ASIC2: variants seen among roughly 807,000 people sequenced by gnomAD.
The protein encoded by ASIC2 is acid sensing ion channel subunit 2.
ASIC2 carries 25 observed loss-of-function variants against 57.3 expected under a neutral mutation model. The ratio of observed to expected loss-of-function variants is 0.44; its 90% CI spans 0.32 to 0.61. ASIC2 has a LOEUF of 0.61. Among genes scored for constraint, ASIC2 ranks in the 20% least tolerant of loss-of-function variants. ASIC2 has a pLI of 0.06. For missense variants in ASIC2, 641 were observed against 738.1 expected (o/e 0.87, Z 1.52); for synonymous variants, 319 against 307.5 (o/e 1.04, Z -0.39).
At chr17:33,585,324 C>G (rs1369104) in intron 1 of ASIC2, among the ~76,000 whole-genome samples, 95,088 of 152,036 alleles carry the variant, frequency 0.63, 31,500 homozygotes, top group African/African-American at 0.86. Context: ...TGGGAACTTA[C>G]ATGCCTTCCC....
intron 1 of ASIC2, among the ~76,000 whole-genome samples, chr17:33,349,838 C>T (rs1262087283): frequency 3.3e-5 from 5 of 152,116 alleles, no homozygotes; most frequent in African/African-American, 1.2e-4. Flanking sequence ...TTTATTCCCA[C>T]TTGTTTCATT....
chr17:33,904,759 C>A (rs989812641), intron 1 of ASIC2, among the ~76,000 whole-genome samples: 21 of 152,214 alleles, frequency 1.4e-4, no homozygotes, highest in African/African-American at 4.3e-4. Flanking sequence ...GCAAAAGCTA[C>A]ACCACCCTTT....
intron 1 of ASIC2, among the ~76,000 whole-genome samples, chr17:33,874,003 T>G (rs541034130): frequency 6.6e-6 from 1 of 152,254 alleles, no homozygotes; most frequent in Non-Finnish European, 1.5e-5. Context: ...GTCTTTCTCA[T>G]CTCAGAAGAC....
chr17:33,554,793 A>C (rs939355035), intron 1 of ASIC2, among the ~76,000 whole-genome samples: 1 of 152,152 alleles, frequency 6.6e-6, no homozygotes, highest in African/African-American at 2.4e-5. Context: ...AGCTGGGGGA[A>C]GTAAGGCTGA....
intron 1 of ASIC2, among the ~76,000 whole-genome samples, chr17:33,281,859 A>G (rs1904964165): frequency 1.3e-5 from 2 of 152,206 alleles, no homozygotes; most frequent in African/African-American, 2.4e-5. Flanking sequence ...CCCAGCCAAC[A>G]TAATACCTGG....
At chr17:33,275,446 C>G (rs1392441379) in intron 1 of ASIC2, among the ~76,000 whole-genome samples, 1 of 152,178 alleles carries the variant, frequency 6.6e-6, no homozygotes, top group Admixed American at 6.5e-5. Flanking sequence ...AATAAAAACG[C>G]CTACAGGTAT....
intron 1 of ASIC2, among the ~76,000 whole-genome samples, chr17:33,795,588 T>C (rs974610658): frequency 2.6e-5 from 4 of 152,212 alleles, no homozygotes; most frequent in African/African-American, 9.6e-5. Context: ...TTCTGTCCAC[T>C]GAGCCCATAT....
intron 1 of ASIC2, among the ~76,000 whole-genome samples, chr17:33,165,721 T>A (rs1258530343): frequency 6.6e-6 from 1 of 152,096 alleles, no homozygotes; most frequent in Non-Finnish European, 1.5e-5. Context: ...CATAGCTAAT[T>A]TGGTTCCCCT....
At chr17:34,131,483 TTTC>T (rs1414963188) in intron 1 of ASIC2, among the ~76,000 whole-genome samples, 1 of 152,026 alleles carries the variant, frequency 6.6e-6, no homozygotes, top group African/African-American at 2.4e-5. Flanking sequence ...CACATAAAGG[TTTC>T]TGCCCCCAGC....
intron 1 of ASIC2, among the ~76,000 whole-genome samples, chr17:33,307,277 C>CTTA (rs1555595996): frequency 2.2e-3 from 12 of 5,338 alleles, no homozygotes; most frequent in Non-Finnish European, 5.1e-3. Flanking sequence ...CCTCCTCTTC[C>CTTA]TTCTTCTTCT....
chr17:33,108,832 C>T (rs2092245623), intron 2 of ASIC2, among the ~76,000 whole-genome samples: 1 of 152,136 alleles, frequency 6.6e-6, no homozygotes, highest in Non-Finnish European at 1.5e-5. Context: ...CTGCCTGACA[C>T]TCAAGGTCAT....
chr17:33,247,079 T>C (rs1195647764), intron 1 of ASIC2, among the ~76,000 whole-genome samples: 1 of 152,248 alleles, frequency 6.6e-6, no homozygotes, highest in Non-Finnish European at 1.5e-5. Context: ...CTTCTTGCCA[T>C]AGCACCTTCA....
intron 1 of ASIC2, among the ~76,000 whole-genome samples, chr17:33,744,047 G>A (rs1910188286): frequency 6.6e-6 from 1 of 152,182 alleles, no homozygotes; most frequent in African/African-American, 2.4e-5. Flanking sequence ...TCTAAGGAGA[G>A]AGACTGCCAA....
At chr17:33,442,042 C>A (rs1332277372) in intron 1 of ASIC2, among the ~76,000 whole-genome samples, 2 of 152,146 alleles carry the variant, frequency 1.3e-5, no homozygotes, top group South Asian at 2.1e-4. Context: ...TACTTCCCCC[C>A]CAAATTGATT....
At chr17:33,790,924 A>G (rs1003344679) in intron 1 of ASIC2, among the ~76,000 whole-genome samples, 1 of 152,226 alleles carries the variant, frequency 6.6e-6, no homozygotes, top group African/African-American at 2.4e-5. Flanking sequence ...ATGCTATATT[A>G]TCCCTTTCTA....
At chr17:33,128,151 G>A (rs139207698) in intron 1 of ASIC2, among the ~76,000 whole-genome samples, 1 of 152,212 alleles carries the variant, frequency 6.6e-6, no homozygotes, top group African/African-American at 2.4e-5. Context: ...CCTACCCACT[G>A]CTCGGAATGG....
chr17:33,697,713 A>G (rs1336429839), intron 1 of ASIC2, among the ~76,000 whole-genome samples: 1 of 152,190 alleles, frequency 6.6e-6, no homozygotes. Flanking sequence ...TTGACTAAGG[A>G]CTGCTGCTCT....
chr17:33,833,500 G>A (rs1913179065), intron 1 of ASIC2, among the ~76,000 whole-genome samples: 1 of 151,974 alleles, frequency 6.6e-6, no homozygotes, highest in East Asian at 1.9e-4. Flanking sequence ...TTGTCTGTGT[G>A]TGTGTGTATG....
intron 1 of ASIC2, among the ~76,000 whole-genome samples, chr17:34,089,540 A>C (rs1256650990): frequency 1.3e-5 from 2 of 152,082 alleles, no homozygotes; most frequent in Non-Finnish European, 2.9e-5. Flanking sequence ...AATCCTGTGA[A>C]CTCCAACTCC....
Sources: gnomAD v4.1 joint callset for allele counts (sites outside exome capture counted in the v4.1 genomes callset) on GRCh38, gnomAD v4.1.1 for gene constraint, MANE v1.5 for transcripts, NCBI Gene and HGNC (gene_info 2026-07-23, HGNC 2026-07-21) for gene names.